The following NAA15 variants were observed in gnomAD, a reference collection of about 807,000 sequenced individuals.
The protein encoded by NAA15 is N-terminal acetyltransferase.
In NAA15, 34 loss-of-function variants were observed where a neutral mutation model predicts 114.0. The observed-to-expected ratio is 0.30, with a 90% CI of 0.23 to 0.40. The LOEUF (loss-of-function observed/expected upper bound fraction) is 0.40. NAA15 is among the 10% of genes least tolerant of loss of function. NAA15 has a pLI of 1.00. For synonymous variants in NAA15, 340 were observed against 338.0 expected (o/e 1.01, Z -0.06); for missense variants, 658 against 1,004.5 (o/e 0.66, Z 4.66).
intron 5 of NAA15, among the ~76,000 whole-genome samples, chr4:139,343,424 C>T (rs1259861587): frequency 6.6e-6 from 1 of 152,206 alleles, no homozygotes; most frequent in African/African-American, 2.4e-5. Flanking sequence ...GATTTCATTG[C>T]AGGATCCAAT....
At chr4:139,309,348 C>T (rs1180911316) in intron 1 of NAA15, among the ~76,000 whole-genome samples, 1 of 68,758 alleles carries the variant, frequency 1.5e-5, no homozygotes, top group Non-Finnish European at 3.0e-5. Context: ...AACTTCGTCT[C>T]AAAAAAAAAA....
At chr4:139,372,268 A>G (rs1748463851) in intron 15 of NAA15, among the ~76,000 whole-genome samples, 1 of 152,194 alleles carries the variant, frequency 6.6e-6, no homozygotes, top group Non-Finnish European at 1.5e-5. Context: ...ACTGTTTAAT[A>G]AAGAGTACAC....
At position 139,361,825 on chromosome 4, in the gene NAA15, A is replaced by G. The variant is rs780904041; in HGVS notation, c.1641A>G (p.Val547=). ...TGGACTTATTAAAACTAGAAGATGTACTTCGACAGCATCCATTTTACTTCA... is the reference window on the plus strand; with the variant it reads ...TGGACTTATTAAAACTAGAAGATGTGCTTCGACAGCATCCATTTTACTTCA... ...SYVDLLKLED[V]LRQHPFYFKA... The change falls in exon 14 of 20, where the codon GTA becomes GTG. Residue 547 remains valine, a synonymous_variant. Coordinates refer to ENST00000296543, the MANE Select transcript of NAA15 (RefSeq NM_057175.5). The G allele has an allele frequency of 4.3e-6, 7 of 1,613,330 alleles. No homozygotes were observed. In the Admixed American group the frequency reaches 6.7e-5, roughly 15 times the overall value.
At chr4:139,356,113 C>T (rs1382942856) in intron 10 of NAA15, among the ~76,000 whole-genome samples, 4 of 152,150 alleles carry the variant, frequency 2.6e-5, no homozygotes, top group South Asian at 2.1e-4. Context: ...TGGATTTAAG[C>T]ATATTTGATG....
intron 2 of NAA15, among the ~76,000 whole-genome samples, chr4:139,334,705 CT>C (rs914762428): frequency 4.6e-5 from 7 of 152,052 alleles, no homozygotes; most frequent in Non-Finnish European, 8.8e-5. Flanking sequence ...TAGGCTTTTG[CT>C]TGTGTGAAGG....
chr4:139,368,411 A>G (rs1223496291), intron 14 of NAA15, among the ~76,000 whole-genome samples: 1 of 152,170 alleles, frequency 6.6e-6, no homozygotes, highest in African/African-American at 2.4e-5. Context: ...CCCTGTCTCT[A>G]TTTATATTTT....
At chr4:139,335,468 C>A (rs778383199) in intron 2 of NAA15, among the ~76,000 whole-genome samples, 2 of 151,944 alleles carry the variant, frequency 1.3e-5, no homozygotes, top group African/African-American at 4.8e-5. Flanking sequence ...TGGGTTCAAG[C>A]GACTCCCCTA....
At chr4:139,328,793 C>G (rs1746894647) in intron 1 of NAA15, among the ~76,000 whole-genome samples, 2 of 151,580 alleles carry the variant, frequency 1.3e-5, no homozygotes. Flanking sequence ...GTCTCAATCT[C>G]TTGATCTCGT....
intron 11 of NAA15, among the ~76,000 whole-genome samples, chr4:139,358,680 G>A (rs1441973888): frequency 6.6e-6 from 1 of 152,160 alleles, no homozygotes; most frequent in African/African-American, 2.4e-5. Context: ...TTGAAGCTTT[G>A]CCAGATGGAC....
At chr4:139,342,795 A>G in intron 4 of NAA15, 31 bp from the exon 5 acceptor site, 1 of 1,598,206 alleles carries the variant, frequency 6.3e-7, no homozygotes, top group Non-Finnish European at 8.5e-7. Context: ...TAAAAGCCTA[A>G]GAAAAAGTGT....
chr4:139,321,848 CTT>C (rs1051368254), intron 1 of NAA15, among the ~76,000 whole-genome samples: 1 of 151,884 alleles, frequency 6.6e-6, no homozygotes, highest in Admixed American at 6.6e-5. Context: ...ATAATAGTAA[CTT>C]GTTTTGAAGT....
At chr4:139,331,399 C>A (rs1348611885) in intron 1 of NAA15, among the ~76,000 whole-genome samples, 2 of 151,792 alleles carry the variant, frequency 1.3e-5, no homozygotes, top group African/African-American at 2.4e-5. Flanking sequence ...CCACTTTCAT[C>A]TTCCTCATTC....
At chr4:139,368,920 G>A (rs1001120392) in intron 14 of NAA15, among the ~76,000 whole-genome samples, 4 of 152,120 alleles carry the variant, frequency 2.6e-5, no homozygotes, top group African/African-American at 7.2e-5. Flanking sequence ...CTATATTATA[G>A]CATATTTGTC....
At chr4:139,344,501 T>C (rs1263984153) in intron 6 of NAA15, among the ~76,000 whole-genome samples, 162 bp downstream of exon 6, 1 of 152,200 alleles carries the variant, frequency 6.6e-6, no homozygotes, top group Admixed American at 6.5e-5. Context: ...TGGGAAAATG[T>C]ACATTTAAAC....
intron 6 of NAA15, among the ~76,000 whole-genome samples, chr4:139,347,956 C>G (rs930176542): frequency 6.7e-6 from 1 of 148,548 alleles, no homozygotes; most frequent in Admixed American, 6.8e-5. Context: ...GGCGTGAACC[C>G]GGGAAGCGGA....
chr4:139,334,176 G>A lies in NAA15; in HGVS notation c.57G>A (p.Arg19=), dbSNP rs760079393. The change falls in exon 2 of 20, where the codon AGG becomes AGA. Residue 19 remains arginine, a splice_region_variant and synonymous_variant. Transcript: ENST00000296543. ...ATTTTTCTTTTTTGTTTTGACAGAGGTGTTATGAACATAAACAGTATAGAA... is the reference window on the plus strand; with the variant it reads ...ATTTTTCTTTTTTGTTTTGACAGAGATGTTATGAACATAAACAGTATAGAA... The part of the protein sequence containing the change: ...KENALFKRIL[R]CYEHKQYRNG... 3 of 1,572,986 alleles carry A rather than the reference G, an allele frequency of 1.9e-6. No homozygotes were observed. Among genetic ancestry groups the A allele is most frequent in the Admixed American group, 3.9e-5 (2 of 50,646 alleles).
intron 1 of NAA15, among the ~76,000 whole-genome samples, chr4:139,310,886 T>C (rs1225869650): frequency 6.6e-6 from 1 of 151,730 alleles, no homozygotes; most frequent in Non-Finnish European, 1.5e-5. Context: ...CCCAAAATGC[T>C]GGAATTACAG....
At chr4:139,360,032 T>C (rs1196156271) in intron 12 of NAA15, 137 bp downstream of exon 12, 5 of 780,432 alleles carry the variant, frequency 6.4e-6, no homozygotes, top group Non-Finnish European at 9.6e-6. Context: ...TAAATCACTG[T>C]ATCAGAAGAT....
intron 1 of NAA15, among the ~76,000 whole-genome samples, chr4:139,315,510 C>T (rs758790836): frequency 3.3e-5 from 5 of 151,624 alleles, no homozygotes; most frequent in African/African-American, 7.3e-5. Context: ...AGCGTGAGAC[C>T]GCGTCTCAAG....
Sources: allele counts gnomAD v4.1 joint callset (sites outside exome capture counted in the v4.1 genomes callset), GRCh38; gene constraint gnomAD v4.1.1; transcripts MANE v1.5; gene names NCBI Gene and HGNC (gene_info 2026-07-23, HGNC 2026-07-21).